PTCHD4: variants seen among roughly 807,000 people sequenced by gnomAD.
PTCHD4 encodes the protein patched domain-containing protein 4.
PTCHD4 carries 33 observed loss-of-function variants against 58.1 expected under a neutral mutation model. The ratio of observed to expected loss-of-function variants is 0.57; its 90% CI spans 0.43 to 0.76. The LOEUF (loss-of-function observed/expected upper bound fraction) is 0.76. Ranked by LOEUF, PTCHD4 falls within the 30% of genes least tolerant of loss-of-function variation. The pLI is 0.00. For synonymous variants in PTCHD4, 478 were observed against 409.6 expected, an observed-to-expected ratio of 1.17 and a Z score of -2.02; for missense variants, 1,058 against 1,027.1, an observed-to-expected ratio of 1.03 and a Z score of -0.41.
At chr6:48,105,156 T>A (rs1765692037) in intron 1 of PTCHD4, among the ~76,000 whole-genome samples, 1 of 152,204 alleles carries the variant, frequency 6.6e-6, no homozygotes, top group Non-Finnish European at 1.5e-5. Flanking sequence ...TACATTCTTT[T>A]CAGCACCACA....
At chr6:47,885,141 A>G (rs1487192688) in intron 4 of PTCHD4, among the ~76,000 whole-genome samples, 1 of 152,252 alleles carries the variant, frequency 6.6e-6, no homozygotes, top group South Asian at 2.1e-4. Context: ...GGACATTATT[A>G]GATGACTAAT....
rs143639097 is a variant in PTCHD4, at chr6:47,872,327, T to A, written c.*5976A>T. 1.5e-3 allele frequency among the ~76,000 whole-genome samples: 224 copies of A among 151,756 alleles called. 2 individuals carry two copies. The highest frequency in any genetic ancestry group is 5.3e-3 in the African/African-American group (219 of 41,472). Reference sequence around the variant, plus strand: ...ATGCAGTCTTCCAAAGCATTAGAATTTTTTTCCCCCTCTGGTTTGACAGAG... The same window carrying A: ...ATGCAGTCTTCCAAAGCATTAGAATATTTTTCCCCCTCTGGTTTGACAGAG... On this transcript the variant is annotated 3_prime_UTR_variant, in exon 5 of 5. Coordinates refer to ENST00000339488, the MANE Select transcript of PTCHD4 (RefSeq NM_001384253.1).
chr6:47,913,325 A>G (rs1214124658), intron 4 of PTCHD4, among the ~76,000 whole-genome samples: 1 of 152,126 alleles, frequency 6.6e-6, no homozygotes, highest in African/African-American at 2.4e-5. Flanking sequence ...GCACACCAAG[A>G]AAAAGTCATA....
intron 4 of PTCHD4, among the ~76,000 whole-genome samples, chr6:47,994,724 GT>G (rs1768413549): frequency 1.3e-5 from 2 of 152,184 alleles, no homozygotes; most frequent in Non-Finnish European, 2.9e-5. Flanking sequence ...AAACCCATGG[GT>G]TTCCTTGGAG....
In PTCHD4 at chr6:48,003,541, C is replaced by T. The variant is rs1023044982; in HGVS notation, c.898+5093G>A. On this transcript the variant is annotated intron_variant, in intron 4 of 4. Coordinates refer to ENST00000339488, the MANE Select transcript of PTCHD4 (RefSeq NM_001384253.1). The stretch of plus-strand genomic sequence containing the variant: ...CCATCCCTGCTCCCACGCTATTTCA[C>T]ATCACCATTATATCCCACGCAAAAT... 3.9e-5 allele frequency among the ~76,000 whole-genome samples: 6 copies of T among 152,212 alleles called. No homozygotes were observed. In the East Asian group the frequency reaches 1.2e-3, roughly 29 times the overall value.
chr6:48,051,067 A>G (rs1052793779), intron 3 of PTCHD4, among the ~76,000 whole-genome samples: 3 of 152,032 alleles, frequency 2.0e-5, no homozygotes, highest in African/African-American at 7.2e-5. Context: ...TCTCAGGAAC[A>G]CACAGCAAAC....
At chr6:48,041,586 C>A (rs529759414) in intron 3 of PTCHD4, among the ~76,000 whole-genome samples, 2 of 152,080 alleles carry the variant, frequency 1.3e-5, no homozygotes, top group East Asian at 3.9e-4. Context: ...CTGATCGCCG[C>A]AGTTATGTGC....
chr6:48,002,399 C>T (rs1018859764), intron 4 of PTCHD4, among the ~76,000 whole-genome samples: 8 of 152,048 alleles, frequency 5.3e-5, no homozygotes, highest in African/African-American at 1.7e-4. Flanking sequence ...GAAAATGTGG[C>T]ACATATACAC....
intron 4 of PTCHD4, among the ~76,000 whole-genome samples, chr6:47,902,477 G>C (rs146027180): frequency 6.6e-6 from 1 of 152,268 alleles, no homozygotes; most frequent in East Asian, 1.9e-4. Flanking sequence ...AAAGCTCAGG[G>C]AAATGCATAA....
In PTCHD4 at chr6:47,861,278, A is replaced by C. The variant is rs1343573522; in HGVS notation, c.*17025T>G. 6.6e-6 allele frequency among the ~76,000 whole-genome samples: 1 copy of C among 151,608 alleles called. No individual in the cohort carries two copies. Among genetic ancestry groups the C allele is most frequent in the African/African-American group, 2.4e-5 (1 of 41,268 alleles). On this transcript the variant is annotated 3_prime_UTR_variant, in exon 5 of 5. Transcript: ENST00000339488. The stretch of plus-strand genomic sequence containing the variant: ...ACAGGGTAGAAAACGACTCATTAAC[A>C]CTCCTTGCTGATGTTCTTTCATAAA...
chr6:48,110,734 A>G (rs2113923350), intron 1 of PTCHD4, among the ~76,000 whole-genome samples: 1 of 149,150 alleles, frequency 6.7e-6, no homozygotes, highest in African/African-American at 2.4e-5. Context: ...TTGTTCTTAA[A>G]GTAACATTTA....
chr6:47,956,695 A>AGC (rs1242421644), intron 4 of PTCHD4, among the ~76,000 whole-genome samples: 1 of 152,106 alleles, frequency 6.6e-6, no homozygotes, highest in Non-Finnish European at 1.5e-5. Flanking sequence ...GGCCTCCTAA[A>AGC]GCGCTGAGAT....
chr6:48,088,343 G>A (rs998930830), intron 1 of PTCHD4, among the ~76,000 whole-genome samples: 3 of 152,178 alleles, frequency 2.0e-5, no homozygotes, highest in African/African-American at 7.2e-5. Flanking sequence ...GAAATCTAAT[G>A]AAAATCCTAA....
chr6:47,970,682 T>C (rs1561984208), intron 4 of PTCHD4, among the ~76,000 whole-genome samples: 1 of 152,174 alleles, frequency 6.6e-6, no homozygotes, highest in Non-Finnish European at 1.5e-5. Context: ...AAGAGTGAGA[T>C]TCCCTGTCTG....
At chr6:48,020,706 A>G (rs1035917949) in intron 3 of PTCHD4, among the ~76,000 whole-genome samples, 1 of 152,132 alleles carries the variant, frequency 6.6e-6, no homozygotes, top group Non-Finnish European at 1.5e-5. Flanking sequence ...ATAAAGCAGC[A>G]TGGAGACTTA....
At chr6:48,100,522 G>A (rs939722874) in intron 1 of PTCHD4, among the ~76,000 whole-genome samples, 5 of 152,076 alleles carry the variant, frequency 3.3e-5, no homozygotes, top group African/African-American at 1.2e-4. Context: ...TTGTTTTACT[G>A]AGGAAAAAAT....
chr6:48,028,841 T>A (rs1298085508), intron 3 of PTCHD4, among the ~76,000 whole-genome samples: 1 of 152,098 alleles, frequency 6.6e-6, no homozygotes, highest in Non-Finnish European at 1.5e-5. Flanking sequence ...TAAATGAAGT[T>A]CTTTTTTACC....
At chr6:47,956,426 T>A (rs994057954) in intron 4 of PTCHD4, among the ~76,000 whole-genome samples, 5 of 145,752 alleles carry the variant, frequency 3.4e-5, no homozygotes, top group Non-Finnish European at 4.5e-5. Context: ...GAGAGTATGG[T>A]TTTTTTTTTA....
intron 3 of PTCHD4, among the ~76,000 whole-genome samples, chr6:48,018,248 G>A (rs1009156093): frequency 6.6e-6 from 1 of 152,118 alleles, no homozygotes; most frequent in African/African-American, 2.4e-5. Context: ...AAGACATGCT[G>A]TTCAGCTTTT....
Sources: allele counts gnomAD v4.1 joint callset (sites outside exome capture counted in the v4.1 genomes callset), GRCh38; gene constraint gnomAD v4.1.1; transcripts MANE v1.5; gene names NCBI Gene and HGNC (gene_info 2026-07-23, HGNC 2026-07-21).